PTPRG: variants seen among roughly 807,000 people sequenced by gnomAD.
The protein encoded by PTPRG is receptor-type tyrosine-protein phosphatase gamma.
PTPRG carries 102 observed loss-of-function variants against 165.3 expected under a neutral mutation model. The observed-to-expected ratio is 0.62, with a 90% confidence interval of 0.53 to 0.73. The LOEUF (loss-of-function observed/expected upper bound fraction) is 0.73, where lower values mean the gene tolerates loss of function less well. Ranked by LOEUF, PTPRG falls within the 30% of genes least tolerant of loss-of-function variation. PTPRG has a pLI of 0.00. For missense variants in PTPRG, 1,866 were observed against 1,861.4 expected (o/e 1.00, Z -0.05); for synonymous variants, 675 against 669.5 (o/e 1.01, Z -0.13).
At chr3:62,135,496 T>G (rs1703674551) in intron 6 of PTPRG, among the ~76,000 whole-genome samples, 1 of 152,176 alleles carries the variant, frequency 6.6e-6, no homozygotes, top group Non-Finnish European at 1.5e-5. Flanking sequence ...TCTTCAGCTC[T>G]GGGAATCATA....
chr3:61,656,041 C>T (rs981152591), intron 1 of PTPRG, among the ~76,000 whole-genome samples: 1 of 87,022 alleles, frequency 1.1e-5, no homozygotes, highest in African/African-American at 6.7e-5. Flanking sequence ...ATAGCAAGAC[C>T]CCCCCCCCCC....
chr3:61,902,781 A>G (rs774616291), intron 2 of PTPRG, among the ~76,000 whole-genome samples: 4 of 152,126 alleles, frequency 2.6e-5, no homozygotes, highest in Admixed American at 1.3e-4. Flanking sequence ...TTTATTGAGC[A>G]TGTAATATGT....
chr3:61,856,882 G>A (rs569543300), intron 2 of PTPRG, among the ~76,000 whole-genome samples: 7 of 152,296 alleles, frequency 4.6e-5, no homozygotes, highest in Non-Finnish European at 8.8e-5. Context: ...GAACCTCAGA[G>A]GGTAAACCAT....
intron 4 of PTPRG, among the ~76,000 whole-genome samples, chr3:62,036,044 C>CAAA (rs77250969): frequency 8.5e-5 from 10 of 117,744 alleles, no homozygotes; most frequent in African/African-American, 3.1e-4. Flanking sequence ...TGTCAGTGAC[C>CAAA]AAAAAAAAAA....
At chr3:61,780,444 G>C (rs1008124064) in intron 2 of PTPRG, among the ~76,000 whole-genome samples, 2 of 152,158 alleles carry the variant, frequency 1.3e-5, no homozygotes, top group Non-Finnish European at 2.9e-5. Context: ...GCTGTATTTA[G>C]TCTGTGAATA....
At chr3:61,631,081 GT>G (rs923404357) in intron 1 of PTPRG, among the ~76,000 whole-genome samples, 28 of 146,846 alleles carry the variant, frequency 1.9e-4, no homozygotes, top group East Asian at 6.0e-4. Flanking sequence ...GAAAAAAAAA[GT>G]TTTTTTTTTT....
intron 8 of PTPRG, among the ~76,000 whole-genome samples, chr3:62,173,294 T>C (rs1364412312): frequency 2.0e-5 from 3 of 152,156 alleles, no homozygotes; most frequent in Non-Finnish European, 4.4e-5. Context: ...GTTGGTTGAA[T>C]CCATGCATGC....
intron 1 of PTPRG, among the ~76,000 whole-genome samples, chr3:61,697,960 A>T (rs936525748): frequency 1.3e-5 from 2 of 152,180 alleles, no homozygotes; most frequent in Admixed American, 1.3e-4. Context: ...AGTCCTTGCT[A>T]ATTTCCCCTG....
intron 13 of PTPRG, among the ~76,000 whole-genome samples, chr3:62,223,980 C>T (rs1700706903): frequency 6.6e-6 from 1 of 152,112 alleles, no homozygotes; most frequent in South Asian, 2.1e-4. Flanking sequence ...AGATAAAACT[C>T]ATCTGTTTAG....
At chr3:62,146,082 A>G (rs1382695489) in intron 6 of PTPRG, among the ~76,000 whole-genome samples, 1 of 152,212 alleles carries the variant, frequency 6.6e-6, no homozygotes, top group African/African-American at 2.4e-5. Flanking sequence ...AAAGGCAATC[A>G]ATGAAACTGT....
At chr3:62,154,683 G>C (rs1393385874) in intron 6 of PTPRG, among the ~76,000 whole-genome samples, 1 of 152,110 alleles carries the variant, frequency 6.6e-6, no homozygotes, top group Non-Finnish European at 1.5e-5. Context: ...GGGTTGTCTT[G>C]TCACTTCCTG....
intron 5 of PTPRG, among the ~76,000 whole-genome samples, chr3:62,090,152 C>A (rs1701881053): frequency 1.3e-5 from 2 of 152,160 alleles, no homozygotes; most frequent in Non-Finnish European, 2.9e-5. Context: ...AAACAATACT[C>A]AATTCTGACT....
intron 2 of PTPRG, among the ~76,000 whole-genome samples, chr3:61,847,467 G>T (rs2036839155): frequency 1.3e-5 from 2 of 152,140 alleles, no homozygotes; most frequent in Non-Finnish European, 2.9e-5. Context: ...TAGGCACCCA[G>T]TTTGTGGTGT....
At chr3:62,287,229 A>G (rs565214405) in intron 28 of PTPRG, among the ~76,000 whole-genome samples, 38 of 152,322 alleles carry the variant, frequency 2.5e-4, no homozygotes, top group African/African-American at 9.1e-4. Context: ...AGATTAAACA[A>G]ATGTTAAATT....
intron 5 of PTPRG, among the ~76,000 whole-genome samples, chr3:62,089,235 A>G (rs530740890): frequency 6.6e-6 from 1 of 152,356 alleles, no homozygotes; most frequent in Admixed American, 6.5e-5. Context: ...ATATTTTAAG[A>G]CAGACCAGTC....
intron 2 of PTPRG, among the ~76,000 whole-genome samples, chr3:61,857,737 G>A (rs533182064): frequency 6.4e-4 from 98 of 152,304 alleles, no homozygotes; most frequent in African/African-American, 2.1e-3. Flanking sequence ...GTATGCTGAT[G>A]TTGAATGTTG....
intron 1 of PTPRG, chr3:61,742,854 C>T (rs2033048627): frequency 3.2e-6 from 5 of 1,575,148 alleles, no homozygotes; most frequent in Admixed American, 3.3e-5. Flanking sequence ...CCTCGATGTC[C>T]ATGTGGGGGA....
chr3:61,993,149 TTTC>T (rs1157282080), intron 3 of PTPRG, among the ~76,000 whole-genome samples: 4 of 148,820 alleles, frequency 2.7e-5, no homozygotes, highest in African/African-American at 1.0e-4. Context: ...AGGTAACCTA[TTTC>T]TTTTTTTTTT....
chr3:61,565,120 C>T, intron 1 of PTPRG, among the ~76,000 whole-genome samples: 1 of 152,110 alleles, frequency 6.6e-6, no homozygotes, highest in East Asian at 1.9e-4. Context: ...GTTCTCAGCT[C>T]CTGTTCAGGA....
Sources: allele counts gnomAD v4.1 joint callset (sites outside exome capture counted in the v4.1 genomes callset), GRCh38; gene constraint gnomAD v4.1.1; transcripts MANE v1.5; gene names NCBI Gene and HGNC (gene_info 2026-07-23, HGNC 2026-07-21).